The following BRD1 variants were observed in gnomAD, a reference collection of about 807,000 sequenced individuals.
BRD1 encodes the protein bromodomain-containing protein 1.
A neutral mutation model predicts 107.7 loss-of-function variants in BRD1; 24 were observed. The ratio of observed to expected loss-of-function variants is 0.22; its 90% confidence interval spans 0.16 to 0.31. The LOEUF (loss-of-function observed/expected upper bound fraction) is 0.31, where lower values mean the gene tolerates loss of function less well. BRD1 is among the 10% of genes least tolerant of loss of function. The pLI, the probability that BRD1 is intolerant of heterozygous loss-of-function variation, is 1.00. For missense variants in BRD1, 1,279 were observed against 1,638.6 expected (o/e 0.78, Z 3.79); for synonymous variants, 744 against 686.1 (o/e 1.08, Z -1.32).
At chr22:49,778,282 G>C (rs1055838848) in intron 8 of BRD1, among the ~76,000 whole-genome samples, 16 of 152,216 alleles carry the variant, frequency 1.1e-4, no homozygotes, top group Non-Finnish European at 2.1e-4. Context: ...GAGCTCCAGG[G>C]AATAGGAAAT....
At chr22:49,812,489 T>C (rs2147283695) in intron 2 of BRD1, among the ~76,000 whole-genome samples, 1 of 152,288 alleles carries the variant, frequency 6.6e-6, no homozygotes, top group East Asian at 1.9e-4. Flanking sequence ...GAGACTCACT[T>C]GAACTCTGGA....
Position 49,777,128 on chromosome 22 carries a change from C to A in BRD1, c.3027G>T (p.Pro1009=). ...CCAGCGTGTGCCGTCGCACAAGAGC[C>A]GGTTTGCCCCGCCCACATTTGGGCG... is the stretch of plus-strand genomic sequence containing the variant. ...FNAPKCGRGK[P]ALVRRHTLED... is the part of the protein sequence containing the mutation. The change falls in exon 10 of 13, where the codon CCG becomes CCT. Residue 1009 remains proline, a synonymous_variant. Transcript: ENST00000404760. The A allele has an allele frequency of 6.2e-7, 1 of 1,613,288 alleles. No homozygotes were observed. Among genetic ancestry groups the A allele is most frequent in the East Asian group, 2.2e-5 (1 of 44,880 alleles).
At position 49,823,076 on chromosome 22, in the gene BRD1, C is replaced by G. The variant is rs1446218654; in HGVS notation, c.1242G>C (p.Glu414Asp). 8 of 1,614,222 alleles carry G rather than the reference C, an allele frequency of 5.0e-6. No individual in the cohort carries two copies. The highest frequency in any genetic ancestry group is 1.1e-5 in the South Asian group (1 of 91,084). ...VEMKNGVCRKESSVKTVRSTS... is the reference protein window; with the variant it reads ...VEMKNGVCRKDSSVKTVRSTS... ...TGGACCTGACCGTTTTAACCGAGCT[C>G]TCTTTTCGACAGACGCCATTTTTCA... The change falls in exon 2 of 13, where the codon GAG (glutamate) becomes GAC (aspartate). Residue 414 changes from glutamate to aspartate, a missense_variant. Transcript: ENST00000404760.
chr22:49,784,955 G>A (rs952548408), intron 8 of BRD1, among the ~76,000 whole-genome samples: 1 of 152,222 alleles, frequency 6.6e-6, no homozygotes, highest in African/African-American at 2.4e-5. Context: ...ACTGTCACTC[G>A]GAAATGAGAG....
chr22:49,817,132 C>G (rs2059967866), intron 2 of BRD1: 1 of 152,956 alleles, frequency 6.5e-6, no homozygotes, highest in Non-Finnish European at 1.5e-5. Context: ...CCTTGCCACG[C>G]TGACCCTTTT....
Position 49,823,044 on chromosome 22 carries a change from T to C in BRD1, c.1274A>G (p.Lys425Arg). The change falls in exon 2 of 13, where the codon AAG becomes AGG. Residue 425 changes from lysine to arginine, a missense_variant. Physicochemically the swap from Lys to Arg is conservative, Grantham distance 26. This residue lies in a region of BRD1 where 87 missense variants were observed against 77.1 expected (regional missense o/e 1.13). Coordinates refer to ENST00000404760, the MANE Select transcript of BRD1 (RefSeq NM_001304808.3). ...AGCCTTTTTTGCCTTCTTCCTGACC[T>C]TGGATGTGGACCTGACCGTTTTAAC... ...SSVKTVRSTS[K>R]VRKKAKKAKK... 1 of 1,614,250 alleles carries C rather than the reference T, an allele frequency of 6.2e-7. No homozygotes were observed. The highest frequency in any genetic ancestry group is 8.5e-7 in the Non-Finnish European group (1 of 1,180,046).
Position 49,792,968 on chromosome 22 carries a change from A to G in BRD1, c.2359+1066T>C, listed in dbSNP as rs1305110867. Among the ~76,000 whole-genome samples, 4 of 152,326 alleles carry G rather than the reference A, an allele frequency of 2.6e-5. No homozygotes were observed. Among genetic ancestry groups the G allele is most frequent in the Non-Finnish European group, 4.4e-5 (3 of 68,026 alleles). ...TGCGTCACTCCGAGCACAGACGTCC[A>G]TAAGAGATGAACGTCTTTGTTTTAA... is the stretch of plus-strand genomic sequence containing the variant. On this transcript the variant is annotated intron_variant, in intron 7 of 12. Transcript: ENST00000404760. The surrounding 1 kb of genome is among the most constrained non-coding windows in gnomAD (Gnocchi z 4.2).
At chr22:49,811,798 A>G (rs976932031) in intron 2 of BRD1, among the ~76,000 whole-genome samples, 2 of 152,256 alleles carry the variant, frequency 1.3e-5, no homozygotes, top group African/African-American at 4.8e-5. Flanking sequence ...GCGGCAGAAC[A>G]GGGATGGAAT....
chr22:49,801,828 T>C (rs1206801470), intron 3 of BRD1, among the ~76,000 whole-genome samples: 1 of 152,222 alleles, frequency 6.6e-6, no homozygotes, highest in Non-Finnish European at 1.5e-5. Context: ...TTCCCTTGCC[T>C]GGCTCCACCA....
rs2059078667 is a variant in BRD1 at position 49,775,826 on chromosome 22, C to CAG, written c.3232-82_3232-81insCT. 14 of 1,185,942 alleles carry CAG rather than the reference C, an allele frequency of 1.2e-5. 1 individual carries two copies. The highest frequency in any genetic ancestry group is 1.2e-4 in the East Asian group (4 of 34,508). The allele number at this position is 1,185,942 out of a possible 1,614,324, so 73.5% of individuals were successfully genotyped here. A position where few individuals can be genotyped will look rare whatever the true frequency, so the allele number is the denominator to read the frequency against. On this transcript the variant is annotated intron_variant, in intron 11 of 12. Transcript: ENST00000404760. ...CACCTGTCACTGGCACCCCCCCCCGCCTCCCCACCCCAGCTGTGTGAGCCT... is the reference window on the plus strand; with the variant it reads ...CACCTGTCACTGGCACCCCCCCCCGCAGCTCCCCACCCCAGCTGTGTGAGCCT...
chr22:49,798,909 C>T, intron 4 of BRD1, 79 bp downstream of exon 4: 2 of 1,517,348 alleles, frequency 1.3e-6, no homozygotes, highest in African/African-American at 1.4e-5. Flanking sequence ...GTGCAGCCCA[C>T]CCTCTGCAGG....
rs2060111959 is a variant in BRD1 at position 49,823,776 on chromosome 22, A to G, written c.542T>C (p.Val181Ala). 1 of 1,614,108 alleles carries G rather than the reference A, an allele frequency of 6.2e-7. No individual in the cohort carries two copies. Among genetic ancestry groups the G allele is most frequent in the Non-Finnish European group, 8.5e-7 (1 of 1,180,034 alleles). The change falls in exon 2 of 13, where the codon GTG becomes GCG. Residue 181 changes from valine (V) to alanine (A), a missense_variant. By Grantham distance (64) the Val-to-Ala change is moderately conservative (BLOSUM62 0). Coordinates refer to ENST00000404760, the MANE Select transcript of BRD1 (RefSeq NM_001304808.3). ...CAGGAACTCAAACATGCTCTGCGAC[A>G]CGGCGGGGACGCAGTCGCCCTTGCG... is the stretch of plus-strand genomic sequence containing the variant. ...EKRKGDCVPAVSQSMFEFLMD... is the reference protein window; with the variant it reads ...EKRKGDCVPAASQSMFEFLMD...
Position 49,823,926 on chromosome 22 carries a change from G to A in BRD1, c.392C>T (p.Ser131Phe). The A allele has an allele frequency of 6.2e-7, 1 of 1,614,236 alleles. No individual in the cohort carries two copies. Among genetic ancestry groups the A allele is most frequent in the Non-Finnish European group, 8.5e-7 (1 of 1,180,050 alleles). Residue 131 changes from serine to phenylalanine, a missense_variant, in exon 2 of 13, where the codon TCC becomes TTC. Coordinates refer to ENST00000404760, the MANE Select transcript of BRD1 (RefSeq NM_001304808.3). ...KVRIVEYSPPSAPRRPPVYYK... is the reference protein window; with the variant it reads ...KVRIVEYSPPFAPRRPPVYYK... ...GTACACAGGAGGCCTCCTGGGGGCGGACGGAGGGCTGTACTCCACGATGCG... is the reference window on the plus strand; with the variant it reads ...GTACACAGGAGGCCTCCTGGGGGCGAACGGAGGGCTGTACTCCACGATGCG...
chr22:49,822,255 G>A (rs558010571), intron 2 of BRD1, among the ~76,000 whole-genome samples: 11 of 152,132 alleles, frequency 7.2e-5, no homozygotes, highest in East Asian at 3.9e-4. Context: ...GTGAAACCCC[G>A]CCTCTACTAA....
Position 49,816,847 on chromosome 22 carries a change from AACAG to A in BRD1, c.1367+6100_1367+6103del, listed in dbSNP as rs1480239045. The stretch of plus-strand genomic sequence containing the variant: ...GGTGCCTACCCTGCAGGGAATAGTA[AACAG>A]ACACTCTCTGGACTGCGGGGGCCAA... On this transcript the variant is annotated intron_variant, in intron 2 of 12. Coordinates refer to ENST00000404760, the MANE Select transcript of BRD1 (RefSeq NM_001304808.3). 2.6e-5 allele frequency among the ~76,000 whole-genome samples: 4 copies of A among 152,354 alleles called. No individual in the cohort carries two copies. The East Asian group carries it at 5.8e-4, about 22-fold the overall frequency.
chr22:49,807,993 A>G (rs1264523577), intron 2 of BRD1, among the ~76,000 whole-genome samples: 5 of 152,084 alleles, frequency 3.3e-5, no homozygotes, highest in Non-Finnish European at 7.3e-5. Flanking sequence ...CTTCACACCT[A>G]TTAGAATGGC....
intron 9 of BRD1, 112 bp from the exon 10 acceptor site, chr22:49,777,273 A>ACCCCCGC: frequency 6.6e-7 from 1 of 1,513,726 alleles, no homozygotes. Flanking sequence ...CCTGCCTGAC[A>ACCCCCGC]CCCCCGCGGC....
intron 2 of BRD1, among the ~76,000 whole-genome samples, chr22:49,816,213 G>A (rs1052330381): frequency 1.4e-4 from 22 of 152,300 alleles, no homozygotes; most frequent in Admixed American, 3.9e-4. Flanking sequence ...GGCCGCGGCC[G>A]GTGGCTCTAA....
At position 49,777,626 on chromosome 22, in the gene BRD1, G is replaced by A. The variant is rs1488012079; in HGVS notation, c.2993+52C>T. 5 of 1,577,728 alleles carry A rather than the reference G, an allele frequency of 3.2e-6. No homozygotes were observed. In the South Asian group the frequency reaches 3.4e-5, roughly 11 times the overall value. Reference sequence around the variant, plus strand: ...CCGGCTTCCAGGACAGCCAGGCGGGGCGGGCGGTGCTGGGAGCTGCGTGGT... The same window carrying A: ...CCGGCTTCCAGGACAGCCAGGCGGGACGGGCGGTGCTGGGAGCTGCGTGGT... On this transcript the variant is annotated intron_variant, in intron 9 of 12. Transcript: ENST00000404760.
Sources: allele counts gnomAD v4.1 joint callset (sites outside exome capture counted in the v4.1 genomes callset), GRCh38; gene constraint gnomAD v4.1.1; regional missense constraint gnomAD v4.1.1; non-coding constraint Gnocchi (gnomAD v3.1); transcripts MANE v1.5; gene names NCBI Gene and HGNC (gene_info 2026-07-23, HGNC 2026-07-21).